The following EVPL variants were observed in gnomAD, a reference collection of about 807,000 sequenced individuals.
EVPL encodes envoplakin.
A neutral mutation model predicts 129.7 loss-of-function variants in EVPL; 94 were observed. The observed-to-expected ratio is 0.72, with a 90% CI of 0.61 to 0.86. EVPL has a LOEUF of 0.86. Ranked by LOEUF, EVPL falls within the 40% of genes least tolerant of loss-of-function variation. EVPL has a pLI of 0.00. For missense variants in EVPL, 2,625 were observed against 2,721.1 expected (o/e 0.96, Z 0.79); for synonymous variants, 1,172 against 1,191.1 (o/e 0.98, Z 0.33).
At position 76,022,321 on chromosome 17, in the gene EVPL, T is replaced by C. The variant is rs950112088; in HGVS notation, c.606+92A>G. On this transcript the variant is annotated intron_variant, in intron 5 of 21. Transcript: ENST00000301607. The surrounding 1 kb of genome is among the most constrained non-coding windows in gnomAD (Gnocchi z 5.6). ...GGGCCAGCCATACCCCACCCACCCC[T>C]ATCCCCAGGGCCCAGCCGATCTAGC... 38 of 1,459,730 alleles carry C rather than the reference T, an allele frequency of 2.6e-5. 1 individual carries two copies. The highest frequency in any genetic ancestry group is 1.4e-4 in the Admixed American group (8 of 56,452). 90.4% of individuals were successfully genotyped at this position (1,459,730 alleles called of 1,614,324 possible). A position where few individuals can be genotyped will look rare whatever the true frequency, so the allele number is the denominator to read the frequency against.
rs780949433 is a variant in EVPL at position 76,009,497 on chromosome 17, G to C, written c.3708C>G (p.Pro1236=). 4 of 1,614,048 alleles carry C rather than the reference G, an allele frequency of 2.5e-6. No homozygotes were observed. Among genetic ancestry groups the C allele is most frequent in the Non-Finnish European group, 3.4e-6 (4 of 1,180,020 alleles). The stretch of plus-strand genomic sequence containing the variant: ...TCTGGGCCCGCAGGACCTCCAGGTC[G>C]GGCAGCAGCTTCTCCACCTCCTTCT... ...GVEKEVEKLL[P]DLEVLRAQKP... The change falls in exon 22 of 22, where the codon CCC becomes CCG. Residue 1236 remains proline, a synonymous_variant. Coordinates refer to ENST00000301607, the MANE Select transcript of EVPL (RefSeq NM_001988.4). This position sits in a 1 kb window ranked among gnomAD's most constrained non-coding sequence, Gnocchi z 5.9.
chr17:76,021,498 G>T lies in EVPL; in HGVS notation c.981C>A (p.Thr327=), dbSNP rs138421545. The change falls in exon 9 of 22, where the codon ACC becomes ACA. Residue 327 remains threonine (T), a synonymous_variant. Transcript: ENST00000301607. ...NFLNLCICQE[T]QLQHVEDYRR... The stretch of plus-strand genomic sequence containing the variant: ...GGTAGTCCTCCACGTGCTGCAGCTG[G>T]GTCTCCTGGCAGATACACAGGTTCA... 2.1e-5 allele frequency: 34 copies of T among 1,609,964 alleles called. No individual in the cohort carries two copies. The Admixed American group carries it at 3.7e-4, about 17-fold the overall frequency.
chr17:76,015,387 T>G, intron 15 of EVPL, 22 bp from the exon 16 acceptor site: 1 of 1,603,472 alleles, frequency 6.2e-7, no homozygotes. Flanking sequence ...GAGGCAAGGC[T>G]CAGACACTCC....
chr17:76,015,473 A>G lies in EVPL; in HGVS notation c.1866T>C (p.Val622=). ...SVKNKFSDVQ[V]LCSLYGEKAK... ...ACTTCTCCCCGTAGAGGCTGCACAGAACCTGCACGTCACTGAACTTGTTCT... is the reference window on the plus strand; with the variant it reads ...ACTTCTCCCCGTAGAGGCTGCACAGGACCTGCACGTCACTGAACTTGTTCT... Residue 622 remains valine, a synonymous_variant, in exon 15 of 22, where the codon GTT becomes GTC. Transcript: ENST00000301607. 2 of 1,613,282 alleles carry G rather than the reference A, an allele frequency of 1.2e-6. No homozygotes were observed. Among genetic ancestry groups the G allele is most frequent in the Non-Finnish European group, 1.7e-6 (2 of 1,179,970 alleles).
rs541378772 is a variant in EVPL, at chr17:76,013,752, C to G, written c.2373+674G>C. 6.6e-6 allele frequency among the ~76,000 whole-genome samples: 1 copy of G among 152,296 alleles called. No homozygotes were observed. The highest frequency in any genetic ancestry group is 1.5e-5 in the Non-Finnish European group (1 of 68,042). ...CCTGGCTCCTCGTGGGCCTCCGTGT[C>G]TTCATTCCCACCCTCTTAGTCATTC... On this transcript the variant is annotated intron_variant, in intron 18 of 21. Transcript: ENST00000301607. The surrounding 1 kb of genome is among the most constrained non-coding windows in gnomAD (Gnocchi z 4.3).
intron 1 of EVPL, 96 bp downstream of exon 1, chr17:76,027,005 C>T (rs2144448794): frequency 1.4e-6 from 1 of 703,960 alleles, no homozygotes; most frequent in Non-Finnish European, 2.3e-6. Flanking sequence ...TGGTCCTGGG[C>T]TCTGGGCCGC....
rs1164435252 is a variant in EVPL at position 76,022,318 on chromosome 17, C to A, written c.607-91G>T. 13 of 1,600,986 alleles carry A rather than the reference C, an allele frequency of 8.1e-6. No individual in the cohort carries two copies. The highest frequency in any genetic ancestry group is 1.0e-5 in the Non-Finnish European group (12 of 1,174,416). Reference sequence around the variant, plus strand: ...TCTGGGCCAGCCATACCCCACCCACCCCTATCCCCAGGGCCCAGCCGATCT... The same window carrying A: ...TCTGGGCCAGCCATACCCCACCCACACCTATCCCCAGGGCCCAGCCGATCT... On this transcript the variant is annotated intron_variant, in intron 5 of 21. Coordinates refer to ENST00000301607, the MANE Select transcript of EVPL (RefSeq NM_001988.4). The surrounding 1 kb of genome is among the most constrained non-coding windows in gnomAD (Gnocchi z 5.6).
Position 76,008,020 on chromosome 17 carries a change from AGGT to A in EVPL, c.5182_5184del (p.Thr1728del). 2 of 1,614,028 alleles carry A rather than the reference AGGT, an allele frequency of 1.2e-6. No homozygotes were observed. Reference sequence around the variant, plus strand: ...ACAGACTCCTCCCCACAGGGCCCCGAGGTGGTGACCTCCTCCCAGTCACACTCG... The same window carrying A: ...ACAGACTCCTCCCCACAGGGCCCCGAGGTGACCTCCTCCCAGTCACACTCG... On this transcript the variant is annotated inframe_deletion, in exon 22 of 22. Coordinates refer to ENST00000301607, the MANE Select transcript of EVPL (RefSeq NM_001988.4). This position sits in a 1 kb window ranked among gnomAD's most constrained non-coding sequence, Gnocchi z 7.4.
Position 76,007,865 on chromosome 17 carries a change from T to C in EVPL, c.5340A>G (p.Val1780=). 1 of 1,613,544 alleles carries C rather than the reference T, an allele frequency of 6.2e-7. No homozygotes were observed. The highest frequency in any genetic ancestry group is 8.5e-7 in the Non-Finnish European group (1 of 1,179,604). ...HLPISEFALL[V]AGETKPSSSL... is the part of the protein sequence containing the mutation. ...AGGAGCTTGGCTTGGTCTCCCCAGC[T>C]ACAAGCAGCGCAAACTCGGAGATGG... Residue 1780 remains valine (V), a synonymous_variant, in exon 22 of 22, where the codon GTA becomes GTG. Coordinates refer to ENST00000301607, the MANE Select transcript of EVPL (RefSeq NM_001988.4). This position sits in a 1 kb window ranked among gnomAD's most constrained non-coding sequence, Gnocchi z 8.8.
chr17:76,012,882 C>T (rs779913529), intron 18 of EVPL, among the ~76,000 whole-genome samples: 1 of 151,824 alleles, frequency 6.6e-6, no homozygotes, highest in Non-Finnish European at 1.5e-5. Context: ...GTAGCCGGGA[C>T]TACAGGTGCC....
At chr17:76,026,504 G>A (rs1451618358) in intron 1 of EVPL, among the ~76,000 whole-genome samples, 1 of 152,148 alleles carries the variant, frequency 6.6e-6, no homozygotes, top group African/African-American at 2.4e-5. Flanking sequence ...CGTGAGCCAC[G>A]GCGCCCGGCC....
intron 18 of EVPL, chr17:76,012,296 A>C (rs2066383494): frequency 2.0e-6 from 1 of 509,854 alleles, no homozygotes; most frequent in South Asian, 3.0e-5. Flanking sequence ...ACCTTGGCAG[A>C]ATCCCTTTCT....
Position 76,010,231 on chromosome 17 carries a change from C to G in EVPL, c.2974G>C (p.Asp992His), listed in dbSNP as rs144070599. The G allele has an allele frequency of 6.2e-7, 1 of 1,613,982 alleles. No homozygotes were observed. The highest frequency in any genetic ancestry group is 8.5e-7 in the Non-Finnish European group (1 of 1,180,040). ...ACCTTCTGGGCTGCCACTTCCAGGT[C>G]TGCCTGCAGGCCAGCCCGCCGCTTG... ...EGKRRAGLQA[D>H]LEVAAQKVVQ... The change falls in exon 22 of 22, where the codon GAC (aspartate) becomes CAC (histidine). Residue 992 changes from aspartate (D) to histidine (H), a missense_variant. By Grantham distance (81) the Asp-to-His change is moderately conservative. This residue lies in a region of EVPL where 1,453 missense variants were observed against 1,511.8 expected (regional missense o/e 0.96). Transcript: ENST00000301607.
chr17:76,024,855 CTGTGTG>C lies in EVPL; in HGVS notation c.99-741_99-736del, dbSNP rs2066488096. Among the ~76,000 whole-genome samples, 1 of 152,224 alleles carries C rather than the reference CTGTGTG, an allele frequency of 6.6e-6. No homozygotes were observed. Among genetic ancestry groups the C allele is most frequent in the South Asian group, 2.1e-4 (1 of 4,828 alleles). On this transcript the variant is annotated intron_variant, in intron 1 of 21. Transcript: ENST00000301607. This position sits in a 1 kb window ranked among gnomAD's most constrained non-coding sequence, Gnocchi z 4.5. ...CCCTGCAGCCTCCATAGAGCACCTG[CTGTGTG>C]CATGCACTCACTGTGCGGAGGTCAC...
At position 76,019,666 on chromosome 17, in the gene EVPL, G is replaced by C. The variant is rs775760513; in HGVS notation, c.1012-13C>G. 4 of 1,609,390 alleles carry C rather than the reference G, an allele frequency of 2.5e-6. No individual in the cohort carries two copies. Among genetic ancestry groups the C allele is most frequent in the Non-Finnish European group, 3.4e-6 (4 of 1,178,152 alleles). ...CCTCTTCCTGGAACTGAGTTCACTG[G>C]GTGGTCAAGGGCAGAGCCTCGTGCA... On this transcript the variant is annotated splice_polypyrimidine_tract_variant and intron_variant, in intron 9 of 21. Coordinates refer to ENST00000301607, the MANE Select transcript of EVPL (RefSeq NM_001988.4).
At position 76,023,602 on chromosome 17, in the gene EVPL, C is replaced by T; in HGVS notation, c.251G>A (p.Gly84Asp). The T allele has an allele frequency of 6.2e-7, 1 of 1,610,320 alleles. No individual in the cohort carries two copies. The highest frequency in any genetic ancestry group is 8.5e-7 in the Non-Finnish European group (1 of 1,178,956). ...SQALQHQQET[G>D]RSLKEAEVLL... ...CACCTCAGCCTCCTTCAGGCTGCGG[C>T]CCGTCTCCTGCTGGTGCTGCAGGGC... The change falls in exon 3 of 22, where the codon GGC becomes GAC. Residue 84 changes from glycine (G) to aspartate (D), a missense_variant. By Grantham distance (94) the Gly-to-Asp change is moderately conservative. Around this residue, in one of 4 missense-constraint regions of EVPL, gnomAD observed 139 missense variants for 186.8 expected, o/e 0.74. Transcript: ENST00000301607.
chr17:76,010,228 G>T lies in EVPL; in HGVS notation c.2977C>A (p.Leu993Met). The change falls in exon 22 of 22, where the codon CTG becomes ATG. Residue 993 changes from leucine (L) to methionine (M), a missense_variant. Leu to Met is a conservative substitution (Grantham distance 15). This residue lies in a region of EVPL where 1,453 missense variants were observed against 1,511.8 expected (regional missense o/e 0.96). Coordinates refer to ENST00000301607, the MANE Select transcript of EVPL (RefSeq NM_001988.4). The part of the protein sequence containing the change: ...GKRRAGLQAD[L>M]EVAAQKVVQL... Reference sequence around the variant, plus strand: ...ACGACCTTCTGGGCTGCCACTTCCAGGTCTGCCTGCAGGCCAGCCCGCCGC... The same window carrying T: ...ACGACCTTCTGGGCTGCCACTTCCATGTCTGCCTGCAGGCCAGCCCGCCGC... 2 of 1,613,910 alleles carry T rather than the reference G, an allele frequency of 1.2e-6. No homozygotes were observed. Among genetic ancestry groups the T allele is most frequent in the South Asian group, 2.2e-5 (2 of 91,080 alleles).
chr17:76,023,174 C>T (rs1032232987), intron 4 of EVPL, 118 bp downstream of exon 4: 1 of 1,529,816 alleles, frequency 6.5e-7, no homozygotes, highest in Admixed American at 1.8e-5. Flanking sequence ...TGTCTCTCTG[C>T]CCAGACCCCT....
Position 76,010,403 on chromosome 17 carries a change from C to T in EVPL, c.2802G>A (p.Glu934=), listed in dbSNP as rs201246792. 527 of 1,614,020 alleles carry T rather than the reference C, an allele frequency of 3.3e-4. 7 individuals are homozygous for T. In the South Asian group the frequency reaches 5.5e-3, roughly 17 times the overall value. ...ERKRVARVQH[E]LEAQRSQLLQ... ...GCAGTTGGCTCCTCTGCGCCTCCAG[C>T]TCATGCTGCACCCGGGCCACCCGCT... Residue 934 remains glutamate (E), a synonymous_variant, in exon 22 of 22, where the codon GAG becomes GAA. Transcript: ENST00000301607.
Sources: allele counts gnomAD v4.1 joint callset (sites outside exome capture counted in the v4.1 genomes callset), GRCh38; gene constraint gnomAD v4.1.1; regional missense constraint gnomAD v4.1.1; non-coding constraint Gnocchi (gnomAD v3.1); transcripts MANE v1.5; gene names NCBI Gene and HGNC (gene_info 2026-07-23, HGNC 2026-07-21).